Variants in CYFIP1 observed in about 807,000 individuals in gnomAD.
CYFIP1 encodes cytoplasmic FMR1-interacting protein 1.
In CYFIP1, 58 loss-of-function variants were observed where a neutral mutation model predicts 163.5. The ratio of observed to expected loss-of-function variants is 0.35; its 90% CI spans 0.29 to 0.44. CYFIP1 has a LOEUF of 0.44. CYFIP1 is among the 20% of genes least tolerant of loss of function. The pLI is 1.00. For synonymous variants in CYFIP1, 663 were observed against 660.7 expected (o/e 1.00, Z -0.05); for missense variants, 1,338 against 1,653.8 (o/e 0.81, Z 3.31).
intron 1 of CYFIP1, among the ~76,000 whole-genome samples, chr15:22,977,212 GAAAAAT>G (rs1227839222): frequency 6.6e-6 from 1 of 150,856 alleles, no homozygotes. Flanking sequence ...AAAAAAAAAA[GAAAAAT>G]AAGGTCGCCT....
intron 1 of CYFIP1, among the ~76,000 whole-genome samples, chr15:22,954,439 T>G (rs2062372917): frequency 6.6e-6 from 1 of 152,208 alleles, no homozygotes; most frequent in African/African-American, 2.4e-5. Flanking sequence ...GCTGGTATTT[T>G]GCTGATCATG....
rs202048637 is a variant in CYFIP1, at chr15:22,939,403, AG to A, written c.666+7del. On this transcript the variant is annotated splice_region_variant and intron_variant, in intron 7 of 30. Transcript: ENST00000617928. Reference sequence around the variant, plus strand: ...CCATCAACCTGAGTGTGCAAACACCAGCCTTACCTGTGTGATCTTGTTATGA... The same window carrying A: ...CCATCAACCTGAGTGTGCAAACACCACCTTACCTGTGTGATCTTGTTATGA... 20,772 of 1,613,640 alleles carry A rather than the reference AG, an allele frequency of 0.013. 206 individuals are homozygous for A. The highest frequency in any genetic ancestry group is 0.015 in the Non-Finnish European group (17,665 of 1,179,924).
chr15:22,932,191 G>C lies in CYFIP1; in HGVS notation c.1110+32C>G, dbSNP rs541386828. ...GCAAACACACACAGGCGACCCTCGGGTGCCTGTGCAGCTCCAGGTCGCGGG... is the reference window on the plus strand; with the variant it reads ...GCAAACACACACAGGCGACCCTCGGCTGCCTGTGCAGCTCCAGGTCGCGGG... On this transcript the variant is annotated intron_variant, in intron 11 of 30. Coordinates refer to ENST00000617928, the MANE Select transcript of CYFIP1 (RefSeq NM_014608.6). 59 of 1,525,096 alleles carry C rather than the reference G, an allele frequency of 3.9e-5. 1 individual carries two copies. The highest frequency in any genetic ancestry group is 3.2e-4 in the Admixed American group (17 of 53,664). 94.5% of individuals were successfully genotyped at this position (1,525,096 alleles called of 1,614,324 possible). A position where few individuals can be genotyped will look rare whatever the true frequency, so the allele number is the denominator to read the frequency against.
chr15:22,876,481 T>C (rs1040767552), intron 26 of CYFIP1, among the ~76,000 whole-genome samples: 43 of 152,028 alleles, frequency 2.8e-4, no homozygotes, highest in African/African-American at 1.0e-3. Context: ...TGTGGTTCTA[T>C]AATTATTTAT....
In CYFIP1 at chr15:22,943,352, T is replaced by C. The variant is rs1336558063; in HGVS notation, c.390A>G (p.Arg130=). The change falls in exon 6 of 31, where the codon AGA becomes AGG. Residue 130 remains arginine (R), a splice_region_variant and synonymous_variant. Transcript: ENST00000617928. ...TKLMNFMYFQ[R]NAIERFCGEV... ...CCCCGCAGAAACGCTCAATGGCATT[T>C]CTCTGTGCAGAGGAAGCAGGAGGGC... The C allele has an allele frequency of 3.1e-6, 5 of 1,613,700 alleles. No individual in the cohort carries two copies. The highest frequency in any genetic ancestry group is 4.2e-6 in the Non-Finnish European group (5 of 1,179,998).
At chr15:22,937,296 C>T in intron 8 of CYFIP1, 88 bp from the exon 9 acceptor site, 1 of 759,792 alleles carries the variant, frequency 1.3e-6, no homozygotes, top group Non-Finnish European at 2.3e-6. Context: ...CAGCTGATGA[C>T]TTTGAAGGCA....
rs145566336 is a variant in CYFIP1 at position 22,911,338 on chromosome 15, G to T, written c.2083-525C>A. On this transcript the variant is annotated intron_variant, in intron 18 of 30. Coordinates refer to ENST00000617928, the MANE Select transcript of CYFIP1 (RefSeq NM_014608.6). ...GAAAAATATTCCTATTCTCTGAAAT[G>T]CAAGAGAGAATCAACAAGGCTCTCT... 2.1e-3 allele frequency among the ~76,000 whole-genome samples: 317 copies of T among 152,220 alleles called. 2 individuals carry two copies. The highest frequency in any genetic ancestry group is 6.7e-3 in the African/African-American group (277 of 41,534).
In CYFIP1 at chr15:22,903,730, T is replaced by C. The variant is rs753217895; in HGVS notation, c.2564A>G (p.Tyr855Cys). The change falls in exon 22 of 31, where the codon TAC (tyrosine) becomes TGC (cysteine). Residue 855 changes from tyrosine to cysteine, a missense_variant. Physicochemically the swap from Tyr to Cys is radical, Grantham distance 194 (BLOSUM62 -2). This residue lies in a region of CYFIP1 where 824 missense variants were observed against 995.7 expected (regional missense o/e 0.83). Coordinates refer to ENST00000617928, the MANE Select transcript of CYFIP1 (RefSeq NM_014608.6). ...CCGGTTGGTAGAGCCGTTGTAGCAG[T>C]AGTTGGGCAGGAAGTCATAGTTGAG... ...WELNYDFLPN[Y>C]CYNGSTNRFV... 3 of 1,613,828 alleles carry C rather than the reference T, an allele frequency of 1.9e-6. No individual in the cohort carries two copies. The South Asian group carries it at 3.3e-5, about 18-fold the overall frequency.
chr15:22,930,700 A>T (rs2142213400), intron 11 of CYFIP1, among the ~76,000 whole-genome samples: 1 of 152,286 alleles, frequency 6.6e-6, no homozygotes, highest in African/African-American at 2.4e-5. Context: ...GAATAAGGAG[A>T]TAAAGAAAAA....
intron 1 of CYFIP1, among the ~76,000 whole-genome samples, chr15:22,973,637 T>C (rs930600681): frequency 6.6e-6 from 1 of 152,160 alleles, no homozygotes; most frequent in Non-Finnish European, 1.5e-5. Context: ...GCAGTACTTG[T>C]CTTTCTGTGC....
At chr15:22,937,304 G>A in intron 8 of CYFIP1, 96 bp from the exon 9 acceptor site, 1 of 730,142 alleles carries the variant, frequency 1.4e-6, no homozygotes, top group Non-Finnish European at 2.4e-6. Context: ...GACTTTGAAG[G>A]CACAATTTGA....
chr15:22,907,940 C>G (rs2060640132), intron 21 of CYFIP1, among the ~76,000 whole-genome samples: 1 of 152,222 alleles, frequency 6.6e-6, no homozygotes, highest in Admixed American at 6.5e-5. Context: ...CACTCTCTCT[C>G]TCATCTCCTC....
At position 22,970,945 on chromosome 15, in the gene CYFIP1, G is replaced by A. The variant is rs1034458615; in HGVS notation, c.-7+9342C>T. On this transcript the variant is annotated intron_variant, in intron 1 of 30. Transcript: ENST00000617928. ...CAAAAAATTAGCTGGGTGTGGTGGC[G>A]GGGGCCTGTAATCCCAGCTCCTAGA... is the stretch of plus-strand genomic sequence containing the variant. Among the ~76,000 whole-genome samples the A allele has an allele frequency of 9.2e-5, 14 of 151,890 alleles. 1 individual carries two copies. Among genetic ancestry groups the A allele is most frequent in the South Asian group, 2.1e-4 (1 of 4,820 alleles).
At chr15:22,879,459 G>A (rs549900750) in intron 26 of CYFIP1, among the ~76,000 whole-genome samples, 1 of 152,102 alleles carries the variant, frequency 6.6e-6, no homozygotes, top group Non-Finnish European at 1.5e-5. Context: ...CTGGCCACTC[G>A]TGCTGTCCAC....
intron 22 of CYFIP1, among the ~76,000 whole-genome samples, chr15:22,896,863 C>T (rs546616063): frequency 6.6e-5 from 10 of 152,224 alleles, no homozygotes; most frequent in Admixed American, 3.3e-4. Context: ...CTTGATTGGG[C>T]ACTGGGCATT....
At chr15:22,980,467 C>T (rs1001607273), upstream of CYFIP1, 183 of 152,266 alleles carry the variant, frequency 1.2e-3, 3 homozygotes, top group Non-Finnish European at 2.1e-3. Flanking sequence ...GGCCGCGGCC[C>T]CGGCCGCTCC....
intron 1 of CYFIP1, among the ~76,000 whole-genome samples, chr15:22,962,484 C>T (rs1055249642): frequency 1.3e-5 from 2 of 151,886 alleles, no homozygotes; most frequent in Non-Finnish European, 2.9e-5. Flanking sequence ...CCACCACCTC[C>T]GCCTCCCTGG....
At chr15:22,870,387 A>G (rs1160663227) in intron 30 of CYFIP1, among the ~76,000 whole-genome samples, 195 bp from the exon 31 acceptor site, 1 of 151,934 alleles carries the variant, frequency 6.6e-6, no homozygotes, top group Non-Finnish European at 1.5e-5. Context: ...CAGTGGCATG[A>G]TCACGGCTCA....
chr15:22,955,783 G>A (rs1423157294), intron 1 of CYFIP1, among the ~76,000 whole-genome samples: 1 of 152,200 alleles, frequency 6.6e-6, no homozygotes, highest in Admixed American at 6.5e-5. Flanking sequence ...TGCCCTTGGG[G>A]AACCCAGTTC....
Sources: gnomAD v4.1 joint callset for allele counts (sites outside exome capture counted in the v4.1 genomes callset) on GRCh38, gnomAD v4.1.1 for gene constraint, gnomAD v4.1.1 regional missense constraint, MANE v1.5 for transcripts, NCBI Gene and HGNC (gene_info 2026-07-23, HGNC 2026-07-21) for gene names.